Variants in SRBD1 observed in about 807,000 individuals in gnomAD.
The protein encoded by SRBD1 is S1 RNA-binding domain-containing protein 1.
SRBD1 carries 88 observed loss-of-function variants against 115.3 expected under a neutral mutation model. The observed-to-expected ratio is 0.76, with a 90% CI of 0.64 to 0.91. The LOEUF (loss-of-function observed/expected upper bound fraction) is 0.91. Ranked by LOEUF, SRBD1 falls within the 40% of genes least tolerant of loss-of-function variation. The pLI, the probability that SRBD1 is intolerant of heterozygous loss-of-function variation, is 0.00. For missense variants in SRBD1, 1,385 were observed against 1,177.4 expected (o/e 1.18, Z -2.58); for synonymous variants, 509 against 407.7 (o/e 1.25, Z -2.99).
Position 45,579,995 on chromosome 2 carries a change from C to A in SRBD1, c.952G>T (p.Gly318Ter). The change falls in exon 7 of 21, where the codon GGA becomes TGA. Residue 318 changes from glycine to a stop codon, truncating the protein, a stop_gained. Coordinates refer to ENST00000263736, the MANE Select transcript of SRBD1 (RefSeq NM_018079.5). LOFTEE classifies it high-confidence loss of function. ...CTCTGGGCTTTAGTCCCTTTGCTTCCAGTTTTATATGGAGCAGACTAGAAA... is the reference window on the plus strand; with the variant it reads ...CTCTGGGCTTTAGTCCCTTTGCTTCAAGTTTTATATGGAGCAGACTAGAAA... Reference protein sequence around the residue: ...LEHVSAPYKTGSKGTKAQRAR... With the variant: ...LEHVSAPYKT The A allele has an allele frequency of 6.3e-7, 1 of 1,586,198 alleles. No homozygotes were observed. Among genetic ancestry groups the A allele is most frequent in the Non-Finnish European group, 8.6e-7 (1 of 1,169,346 alleles).
At chr2:45,556,448 CT>C (rs59284495) in intron 10 of SRBD1, among the ~76,000 whole-genome samples, 1,252 of 78,592 alleles carry the variant, frequency 0.016, 5 homozygotes, top group African/African-American at 0.064. Context: ...TGCTCTATTA[CT>C]TTTTTTTTTT....
At chr2:45,473,019 A>G (rs1669697192) in intron 16 of SRBD1, among the ~76,000 whole-genome samples, 1 of 150,502 alleles carries the variant, frequency 6.6e-6, no homozygotes, top group South Asian at 2.1e-4. Flanking sequence ...TTTATTTTTT[A>G]AAGTCTTAAG....
intron 16 of SRBD1, among the ~76,000 whole-genome samples, chr2:45,468,528 CAT>C (rs1056712913): frequency 6.6e-6 from 1 of 151,962 alleles, no homozygotes; most frequent in African/African-American, 2.4e-5. Context: ...GCTGGGACTA[CAT>C]GTGTGCACCA....
At chr2:45,541,802 G>C (rs1438712202) in intron 14 of SRBD1, among the ~76,000 whole-genome samples, 1 of 152,218 alleles carries the variant, frequency 6.6e-6, no homozygotes, top group African/African-American at 2.4e-5. Context: ...TCCCATAGCT[G>C]GTAGTCCCAA....
At chr2:45,397,982 C>A (rs1487729616) in intron 19 of SRBD1, among the ~76,000 whole-genome samples, 3 of 152,106 alleles carry the variant, frequency 2.0e-5, no homozygotes, top group African/African-American at 7.2e-5. Context: ...GCAAAATATA[C>A]AAGTAATTAT....
At chr2:45,550,156 T>C (rs1176336024) in intron 12 of SRBD1, among the ~76,000 whole-genome samples, 1 of 152,216 alleles carries the variant, frequency 6.6e-6, no homozygotes, top group South Asian at 2.1e-4. Flanking sequence ...TAGATGGTTT[T>C]AGTAACAAAT....
intron 14 of SRBD1, among the ~76,000 whole-genome samples, chr2:45,523,275 GAA>G (rs61024871): frequency 0.056 from 4,843 of 86,538 alleles, 136 homozygotes; most frequent in East Asian, 0.19. Flanking sequence ...CAAAACGCTG[GAA>G]AAAAAAAAAA....
chr2:45,451,149 G>T (rs1193688591), intron 16 of SRBD1, among the ~76,000 whole-genome samples: 1 of 151,958 alleles, frequency 6.6e-6, no homozygotes, highest in Non-Finnish European at 1.5e-5. Context: ...TGGCAAATGG[G>T]AACTCATTAA....
In SRBD1 at chr2:45,562,761, G is replaced by A; in HGVS notation, c.1306-5C>T. ...TCCACGGTTAATTGCCAGAATCTGA[G>A]TGCAAACATAAGGCAAAGACTAATA... On this transcript the variant is annotated splice_region_variant and splice_polypyrimidine_tract_variant and intron_variant, in intron 9 of 20. Transcript: ENST00000263736. 6.3e-7 allele frequency: 1 copy of A among 1,596,886 alleles called. No homozygotes were observed. The highest frequency in any genetic ancestry group is 1.3e-5 in the African/African-American group (1 of 74,102).
intron 5 of SRBD1, among the ~76,000 whole-genome samples, chr2:45,582,993 G>C (rs1673412243): frequency 6.6e-6 from 1 of 152,122 alleles, no homozygotes; most frequent in Admixed American, 6.5e-5. Context: ...AACGACAAAA[G>C]GAAGGGTGGG....
intron 4 of SRBD1, among the ~76,000 whole-genome samples, chr2:45,594,998 C>T (rs1673848941): frequency 6.6e-6 from 1 of 152,204 alleles, no homozygotes; most frequent in Non-Finnish European, 1.5e-5. Flanking sequence ...AATCCACTTT[C>T]TGTTGTTTCT....
intron 14 of SRBD1, among the ~76,000 whole-genome samples, chr2:45,539,590 T>C (rs1671869782): frequency 6.6e-6 from 1 of 152,148 alleles, no homozygotes; most frequent in African/African-American, 2.4e-5. Context: ...GAACTACTGA[T>C]GAGAATATGG....
chr2:45,573,140 T>C lies in SRBD1; in HGVS notation c.1305+67A>G. On this transcript the variant is annotated intron_variant, in intron 9 of 20. Transcript: ENST00000263736. ...AAAATTATTTAAATTCTTAGTAAAGTAGCAGGCAAATCCAAAATATTATCA... is the reference window on the plus strand; with the variant it reads ...AAAATTATTTAAATTCTTAGTAAAGCAGCAGGCAAATCCAAAATATTATCA... The C allele has an allele frequency of 2.1e-6, 3 of 1,460,436 alleles. No homozygotes were observed. The African/African-American group carries it at 4.4e-5, about 21-fold the overall frequency. The allele number at this position is 1,460,436 out of a possible 1,614,324, so 90.5% of individuals were successfully genotyped here.
In SRBD1 at chr2:45,413,087, G is replaced by A. The variant is rs549516459; in HGVS notation, c.2513+27C>T. 2 of 1,597,782 alleles carry A rather than the reference G, an allele frequency of 1.3e-6. 1 individual carries two copies. Among genetic ancestry groups the A allele is most frequent in the Admixed American group, 3.5e-5 (2 of 56,650 alleles). ...GTAAAGAACTCACTCTGCATATGGA[G>A]AATTCCCACATGGGCCTCAGACTTA... On this transcript the variant is annotated intron_variant, in intron 19 of 20. Coordinates refer to ENST00000263736, the MANE Select transcript of SRBD1 (RefSeq NM_018079.5).
chr2:45,429,659 C>T (rs979891180), intron 16 of SRBD1, among the ~76,000 whole-genome samples: 1 of 152,156 alleles, frequency 6.6e-6, no homozygotes, highest in African/African-American at 2.4e-5. Flanking sequence ...ATAATAAGAG[C>T]TGTTTATGAC....
intron 16 of SRBD1, among the ~76,000 whole-genome samples, chr2:45,430,779 CA>C (rs1296896456): frequency 2.0e-5 from 3 of 152,092 alleles, no homozygotes; most frequent in Admixed American, 2.0e-4. Flanking sequence ...GCAACAAAAG[CA>C]AAAATTGGCA....
intron 15 of SRBD1, among the ~76,000 whole-genome samples, chr2:45,487,682 T>C (rs1275943208): frequency 6.6e-6 from 1 of 152,026 alleles, no homozygotes; most frequent in Admixed American, 6.6e-5. Context: ...TTTGAGAGAG[T>C]CTTGCTCTGT....
intron 14 of SRBD1, among the ~76,000 whole-genome samples, chr2:45,533,561 T>C (rs1572743540): frequency 1.3e-5 from 2 of 152,148 alleles, no homozygotes; most frequent in South Asian, 4.1e-4. Flanking sequence ...AAGAACAAAA[T>C]TGTATACAGG....
intron 14 of SRBD1, among the ~76,000 whole-genome samples, chr2:45,500,354 T>C (rs535341669): frequency 6.6e-6 from 1 of 151,960 alleles, no homozygotes; most frequent in Non-Finnish European, 1.5e-5. Flanking sequence ...TATGTGTGTG[T>C]GTAGCTATTA....
Sources: allele counts gnomAD v4.1 joint callset (sites outside exome capture counted in the v4.1 genomes callset), GRCh38; gene constraint gnomAD v4.1.1; transcripts MANE v1.5; gene names NCBI Gene and HGNC (gene_info 2026-07-23, HGNC 2026-07-21).